Variants in TTC34 observed in about 807,000 individuals in gnomAD.
The protein encoded by TTC34 is tetratricopeptide repeat protein 34.
A neutral mutation model predicts 40.7 loss-of-function variants in TTC34; 44 were observed. That is an observed-to-expected ratio of 1.08 (90% CI 0.85 to 1.39). The LOEUF (loss-of-function observed/expected upper bound fraction) is 1.39. Among genes scored for constraint, TTC34 ranks in the 40% most tolerant of loss-of-function variants. TTC34 has a pLI of 0.00. For synonymous variants in TTC34, 422 were observed against 398.6 expected (o/e 1.06, Z -0.70); for missense variants, 884 against 838.0 (o/e 1.05, Z -0.68).
In TTC34 at chr1:2,750,156, A is replaced by G. The variant is rs1253470966; in HGVS notation, c.2226+33453T>C. Among the ~76,000 whole-genome samples the G allele has an allele frequency of 4.8e-4, 60 of 123,952 alleles. 3 individuals are homozygous for G. The highest frequency in any genetic ancestry group is 1.6e-3 in the African/African-American group (53 of 33,910). The allele number at this position is 123,952 out of a possible 152,430, so 81.3% of individuals were successfully genotyped here. ...TGAGCATCCGACAGCGTGGAGCAGA[A>G]CAAACACCCCCAGGCGAGCATCTGA... is the stretch of plus-strand genomic sequence containing the variant. On this transcript the variant is annotated intron_variant, in intron 6 of 8. Transcript: ENST00000401095.
chr1:2,748,594 C>G (rs1304799789), intron 6 of TTC34, among the ~76,000 whole-genome samples: 14 of 145,238 alleles, frequency 9.6e-5, no homozygotes, highest in South Asian at 4.4e-4. Context: ...TGGAGCAGCA[C>G]CCACACCCCC....
intron 2 of TTC34, among the ~76,000 whole-genome samples, chr1:2,791,425 AC>A (rs1201034123): frequency 3.3e-5 from 5 of 152,020 alleles, no homozygotes; most frequent in Non-Finnish European, 5.9e-5. Context: ...TTTCCTTATA[AC>A]CCCATTCAAT....
rs1169926976 is a variant in TTC34 at position 2,756,108 on chromosome 1, C to T, written c.2226+27501G>A. ...CAGCGTGGAACAGCACCCTGCACCC[C>T]CAGGAGAGCATCTGACAGCATGGAA... On this transcript the variant is annotated intron_variant, in intron 6 of 8. Coordinates refer to ENST00000401095, the Ensembl canonical transcript of TTC34. 3.0e-5 allele frequency among the ~76,000 whole-genome samples: 2 copies of T among 66,980 alleles called. 1 individual carries two copies. The highest frequency in any genetic ancestry group is 5.1e-5 in the Non-Finnish European group (2 of 39,190). The allele number at this position is 66,980 out of a possible 152,430, so 43.9% of individuals were successfully genotyped here.
intron 2 of TTC34, among the ~76,000 whole-genome samples, chr1:2,795,529 G>A (rs1021934301): frequency 5.9e-5 from 9 of 152,204 alleles, no homozygotes; most frequent in African/African-American, 1.4e-4. Context: ...GGTGGAAGCC[G>A]TGGGGCCTCT....
At chr1:2,761,066 G>A (rs1171717550) in intron 6 of TTC34, among the ~76,000 whole-genome samples, 1 of 68,108 alleles carries the variant, frequency 1.5e-5, no homozygotes, top group Non-Finnish European at 2.5e-5. Context: ...ATCCGAGAGC[G>A]TGGAGCAGCA....
At chr1:2,783,922 CAG>C in intron 5 of TTC34, 147 bp from the exon 6 acceptor site, 1 of 747,778 alleles carries the variant, frequency 1.3e-6, no homozygotes, top group Non-Finnish European at 2.0e-6. Context: ...CCAAGACAGA[CAG>C]AGACAGGGTG....
intron 6 of TTC34, among the ~76,000 whole-genome samples, chr1:2,677,785 T>A (rs1570793380): frequency 4.3e-5 from 2 of 46,070 alleles, no homozygotes; most frequent in African/African-American, 8.8e-5. Flanking sequence ...CAGGTGAGCA[T>A]CTGACCGCAT....
At chr1:2,769,572 T>C (rs1412436632) in intron 6 of TTC34, among the ~76,000 whole-genome samples, 1 of 113,846 alleles carries the variant, frequency 8.8e-6, no homozygotes, top group Non-Finnish European at 1.7e-5. Context: ...TCTGACATCC[T>C]GGAACAGCAC....
At chr1:2,695,268 AC>A (rs1407721972) in intron 6 of TTC34, among the ~76,000 whole-genome samples, 1 of 97,992 alleles carries the variant, frequency 1.0e-5, no homozygotes, top group Non-Finnish European at 2.0e-5. Context: ...CTGCAACAGC[AC>A]CCACACACCC....
exon 8 of TTC34, chr1:2,644,290 C>T: frequency 6.5e-7 from 1 of 1,535,144 alleles, no homozygotes; most frequent in Non-Finnish European, 8.7e-7. Flanking sequence ...CGCTCCGAGG[C>T]CTCCAGGAGA....
rs1375331079 is a variant in TTC34 at position 2,675,078 on chromosome 1, C to A, written c.2227-29515G>T. Among the ~76,000 whole-genome samples, 3 of 125,072 alleles carry A rather than the reference C, an allele frequency of 2.4e-5. No homozygotes were observed. In the South Asian group the frequency reaches 7.9e-4, roughly 33 times the overall value. 82.1% of individuals were successfully genotyped at this position (125,072 alleles called of 152,430 possible). On this transcript the variant is annotated intron_variant, in intron 6 of 8. Transcript: ENST00000401095. ...ATCGGAGAGTCAGGAGCAGTGCCCACACACCCAGGCGAGCATCTGACAGCC... is the reference window on the plus strand; with the variant it reads ...ATCGGAGAGTCAGGAGCAGTGCCCAAACACCCAGGCGAGCATCTGACAGCC...
chr1:2,644,280 C>T lies in TTC34; in HGVS notation c.2696G>A (p.Arg899Gln), dbSNP rs758267296. The T allele has an allele frequency of 6.1e-5, 94 of 1,534,262 alleles. No homozygotes were observed. The highest frequency in any genetic ancestry group is 1.9e-4 in the Middle Eastern group (1 of 5,324). ...TTTGGGCACCTGGGCAAGGCTCTGC[C>T]GCTCCGAGGCCTCCAGGAGATGCAG... Residue 899 changes from arginine (R) to glutamine (Q), a missense_variant, in exon 8 of 9, where the codon CGG becomes CAG. Coordinates refer to ENST00000401095, the Ensembl canonical transcript of TTC34.
intron 6 of TTC34, among the ~76,000 whole-genome samples, chr1:2,755,709 G>C (rs1641481042): frequency 7.9e-6 from 1 of 126,268 alleles, no homozygotes; most frequent in Non-Finnish European, 1.6e-5. Flanking sequence ...CAAACCCACA[G>C]GTGAGCATCC....
chr1:2,687,648 C>G (rs548280152), intron 6 of TTC34, among the ~76,000 whole-genome samples: 2 of 151,498 alleles, frequency 1.3e-5, no homozygotes, highest in African/African-American at 4.9e-5. Flanking sequence ...CACCCACACC[C>G]CCAGGTGAGC....
chr1:2,683,192 C>G (rs1640155040), intron 6 of TTC34, among the ~76,000 whole-genome samples: 1 of 141,524 alleles, frequency 7.1e-6, no homozygotes, highest in Non-Finnish European at 1.6e-5. Flanking sequence ...AACCCACGGC[C>G]ACAGGCGAGC....
At chr1:2,790,126 G>T (rs544467957) in exon 3 of TTC34, 4 of 398,244 alleles carry the variant, frequency 1.0e-5, no homozygotes, top group Non-Finnish European at 1.3e-5. Context: ...GGTTCCGCAC[G>T]GCTTCCTGGA....
intron 6 of TTC34, among the ~76,000 whole-genome samples, chr1:2,685,844 G>A (rs1376241518): frequency 6.7e-6 from 1 of 149,336 alleles, no homozygotes; most frequent in Non-Finnish European, 1.5e-5. Flanking sequence ...CCCATGCCCA[G>A]GTGAGCCTCT....
chr1:2,652,707 C>A (rs56001931), intron 6 of TTC34, among the ~76,000 whole-genome samples: 3,791 of 110,598 alleles, frequency 0.034, no homozygotes, highest in Middle Eastern at 0.11. Flanking sequence ...CATCTGACAG[C>A]CTGGAGGAGC....
At chr1:2,752,119 A>G (rs1641339656) in intron 6 of TTC34, among the ~76,000 whole-genome samples, 1 of 102,872 alleles carries the variant, frequency 9.7e-6, no homozygotes, top group African/African-American at 4.6e-5. Context: ...AGCCTGGAGC[A>G]ACACCCACGC....
Sources: gnomAD v4.1 joint callset for allele counts (sites outside exome capture counted in the v4.1 genomes callset) on GRCh38, gnomAD v4.1.1 for gene constraint, MANE v1.5 for transcripts, NCBI Gene and HGNC (gene_info 2026-07-23, HGNC 2026-07-21) for gene names.